The following AHCTF1 variants were observed in gnomAD, a reference collection of about 807,000 sequenced individuals.
The protein encoded by AHCTF1 is protein ELYS.
A neutral mutation model predicts 248.4 loss-of-function variants in AHCTF1; 24 were observed. The ratio of observed to expected loss-of-function variants is 0.10; its 90% CI spans 0.07 to 0.14. The LOEUF is 0.14. AHCTF1 is among the 10% of genes least tolerant of loss of function. The pLI, the probability that AHCTF1 is intolerant of heterozygous loss-of-function variation, is 1.00. For missense variants in AHCTF1, 2,206 were observed against 2,636.2 expected (o/e 0.84, Z 3.57); for synonymous variants, 786 against 929.8 (o/e 0.85, Z 2.81).
rs1326765086 is a variant in AHCTF1, at chr1:246,891,759, T to G, written c.1945+20A>C. On this transcript the variant is annotated intron_variant, in intron 15 of 35. Transcript: ENST00000648844. ...AGTAAAATTTAATAAAACACTCATT[T>G]GATAAAACAAAGAGCGTACCTCTCT... 2 of 1,601,614 alleles carry G rather than the reference T, an allele frequency of 1.2e-6. No homozygotes were observed. The highest frequency in any genetic ancestry group is 1.7e-6 in the Non-Finnish European group (2 of 1,177,098).
At chr1:246,846,845 G>T (rs750276606) in intron 33 of AHCTF1, among the ~76,000 whole-genome samples, 2 of 151,894 alleles carry the variant, frequency 1.3e-5, no homozygotes, top group East Asian at 3.9e-4. Context: ...TCAACCTCCC[G>T]GGCTCAAGCC....
chr1:246,872,859 T>C (rs1391585124), intron 24 of AHCTF1, among the ~76,000 whole-genome samples: 1 of 152,180 alleles, frequency 6.6e-6, no homozygotes, highest in Non-Finnish European at 1.5e-5. Context: ...TCTTAAAACA[T>C]GTGAAACCAC....
chr1:246,844,515 G>A (rs1660106642), intron 33 of AHCTF1, among the ~76,000 whole-genome samples: 2 of 152,078 alleles, frequency 1.3e-5, no homozygotes, highest in South Asian at 2.1e-4. Context: ...AAGGCCAGGA[G>A]TTCAAGACTA....
At chr1:246,844,946 CTT>C (rs1660143145) in intron 33 of AHCTF1, among the ~76,000 whole-genome samples, 1 of 152,004 alleles carries the variant, frequency 6.6e-6, no homozygotes, top group Admixed American at 6.6e-5. Context: ...AATCAAGTAA[CTT>C]AAACCTGTCT....
chr1:246,863,064 T>C (rs921655147), intron 27 of AHCTF1, among the ~76,000 whole-genome samples: 2 of 152,212 alleles, frequency 1.3e-5, no homozygotes, highest in Non-Finnish European at 2.9e-5. Flanking sequence ...TCCTCCAATT[T>C]CATTTCATTT....
At chr1:246,925,902 T>A (rs1247697299) in intron 1 of AHCTF1, among the ~76,000 whole-genome samples, 12 of 152,228 alleles carry the variant, frequency 7.9e-5, no homozygotes, top group African/African-American at 2.9e-4. Context: ...AAATCTCATC[T>A]CTACGAAAAA....
In AHCTF1 at chr1:246,888,370, G is replaced by A. The variant is rs769743319; in HGVS notation, c.2268+24C>T. 8.7e-6 allele frequency: 14 copies of A among 1,612,704 alleles called. No homozygotes were observed. In the South Asian group the frequency reaches 1.4e-4, roughly 16 times the overall value. ...CTCCCCAGCTTTGTAGACTCTAAATGATAGCACATTACTGCAAACCTACAT... is the reference window on the plus strand; with the variant it reads ...CTCCCCAGCTTTGTAGACTCTAAATAATAGCACATTACTGCAAACCTACAT... On this transcript the variant is annotated intron_variant, in intron 18 of 35. Coordinates refer to ENST00000648844, the MANE Select transcript of AHCTF1 (RefSeq NM_001323342.2).
At chr1:246,867,417 G>A in intron 25 of AHCTF1, 66 bp from the exon 26 acceptor site, 2 of 1,088,570 alleles carry the variant, frequency 1.8e-6, no homozygotes, top group Non-Finnish European at 2.6e-6. Context: ...GGATGAGATG[G>A]GAGAACAGAG....
intron 12 of AHCTF1, among the ~76,000 whole-genome samples, chr1:246,897,599 T>C (rs1024335091): frequency 6.6e-6 from 1 of 152,184 alleles, no homozygotes; most frequent in Non-Finnish European, 1.5e-5. Context: ...CAAACCTGTA[T>C]AGCATGTTAC....
At chr1:246,848,450 C>G (rs1160930824) in intron 33 of AHCTF1, among the ~76,000 whole-genome samples, 1 of 151,824 alleles carries the variant, frequency 6.6e-6, no homozygotes, top group East Asian at 2.0e-4. Context: ...ATCCACCCGC[C>G]TTGGCCTCCC....
chr1:246,876,221 C>T, intron 23 of AHCTF1, 34 bp from the exon 24 acceptor site: 2 of 1,519,056 alleles, frequency 1.3e-6, no homozygotes, highest in African/African-American at 1.4e-5. Context: ...AAAATTTAAC[C>T]TTCAAAATGT....
Position 246,913,426 on chromosome 1 carries a change from T to C in AHCTF1, c.376-14A>G. 1 of 1,590,378 alleles carries C rather than the reference T, an allele frequency of 6.3e-7. No individual in the cohort carries two copies. Among genetic ancestry groups the C allele is most frequent in the Non-Finnish European group, 8.6e-7 (1 of 1,166,586 alleles). On this transcript the variant is annotated splice_polypyrimidine_tract_variant and intron_variant, in intron 3 of 35. Coordinates refer to ENST00000648844, the MANE Select transcript of AHCTF1 (RefSeq NM_001323342.2). Reference sequence around the variant, plus strand: ...AATAGCTGTTACCTAGAAAACATAATACGTGATTTGCTTTTCTTCTGCAAA... The same window carrying C: ...AATAGCTGTTACCTAGAAAACATAACACGTGATTTGCTTTTCTTCTGCAAA...
At chr1:246,877,529 TA>T (rs1663064557) in intron 21 of AHCTF1, among the ~76,000 whole-genome samples, 2 of 150,720 alleles carry the variant, frequency 1.3e-5, no homozygotes, top group African/African-American at 2.4e-5. Context: ...AGATATAAAA[TA>T]ATAAAAAAGC....
intron 1 of AHCTF1, among the ~76,000 whole-genome samples, chr1:246,930,342 T>C (rs1168423443): frequency 6.6e-6 from 1 of 151,946 alleles, no homozygotes; most frequent in Non-Finnish European, 1.5e-5. Context: ...TTTTTCAAGA[T>C]AATTATTGTT....
intron 25 of AHCTF1, 147 bp from the exon 26 acceptor site, chr1:246,867,498 G>A (rs571953173): frequency 2.7e-6 from 3 of 1,092,638 alleles, no homozygotes; most frequent in Non-Finnish European, 3.9e-6. Context: ...CACTTTTAAA[G>A]GTTTTTAAAA....
intron 2 of AHCTF1, among the ~76,000 whole-genome samples, chr1:246,917,172 C>T (rs1184110038): frequency 1.3e-5 from 2 of 152,126 alleles, no homozygotes; most frequent in Admixed American, 6.6e-5. Context: ...GGGTGGAAGA[C>T]GACACCTGCT....
intron 1 of AHCTF1, among the ~76,000 whole-genome samples, chr1:246,923,108 CAA>C (rs34474643): frequency 0.067 from 7,532 of 111,948 alleles, 626 homozygotes; most frequent in African/African-American, 0.22. Flanking sequence ...CAAATAATAC[CAA>C]AAAAAAAAAA....
intron 5 of AHCTF1, among the ~76,000 whole-genome samples, chr1:246,907,059 C>T (rs1351564757): frequency 6.6e-6 from 1 of 152,142 alleles, no homozygotes; most frequent in Non-Finnish European, 1.5e-5. Flanking sequence ...TAACACAAAC[C>T]TAGATGAGAT....
In AHCTF1 at chr1:246,887,300, T is replaced by C. The variant is rs757989663; in HGVS notation, c.2383A>G (p.Ile795Val). The C allele has an allele frequency of 1.4e-5, 23 of 1,613,244 alleles. No homozygotes were observed. Among genetic ancestry groups the C allele is most frequent in the South Asian group, 4.4e-5 (4 of 90,862 alleles). ...GCAAATACAGTTGGGAAAGATTCAA[T>C]GGGAGTGTCTGTTTTGTTGGGAAAG... ...YSFPNKTDTPIESFPTVFAIS... is the reference protein window; with the variant it reads ...YSFPNKTDTPVESFPTVFAIS... Residue 795 changes from isoleucine (I) to valine (V), a missense_variant, in exon 20 of 36, where the codon ATT (isoleucine) becomes GTT (valine). This residue lies in a region of AHCTF1 where 650 missense variants were observed against 870.8 expected (regional missense o/e 0.75). Transcript: ENST00000648844.
Sources: allele counts gnomAD v4.1 joint callset (sites outside exome capture counted in the v4.1 genomes callset), GRCh38; gene constraint gnomAD v4.1.1; regional missense constraint gnomAD v4.1.1; transcripts MANE v1.5; gene names NCBI Gene and HGNC (gene_info 2026-07-23, HGNC 2026-07-21).